The following EXOC4 variants were observed in gnomAD, a reference collection of about 807,000 sequenced individuals.
EXOC4 encodes the protein SEC8-like 1.
A neutral mutation model predicts 107.2 loss-of-function variants in EXOC4; 71 were observed. The observed-to-expected ratio is 0.66, with a 90% confidence interval of 0.55 to 0.81. The LOEUF (loss-of-function observed/expected upper bound fraction) is 0.81. Ranked by LOEUF, EXOC4 falls within the 30% of genes least tolerant of loss-of-function variation. The probability of loss-of-function intolerance (pLI) is 0.00; values close to 1 mark genes in which losing one functional copy is unlikely to be tolerated. For missense variants in EXOC4, 1,108 were observed against 1,189.6 expected, an observed-to-expected ratio of 0.93 and a Z score of 1.01; for synonymous variants, 456 against 441.2, an observed-to-expected ratio of 1.03 and a Z score of -0.42.
At chr7:133,815,549 C>A (rs113604234) in intron 10 of EXOC4, among the ~76,000 whole-genome samples, 1 of 152,036 alleles carries the variant, frequency 6.6e-6, no homozygotes, top group African/African-American at 2.4e-5. Flanking sequence ...CAGTGCTTGC[C>A]GCTGTCTTAT....
At chr7:134,066,266 A>C (rs1796175878), downstream of EXOC4, 1 of 152,104 alleles carries the variant, frequency 6.6e-6, no homozygotes, top group African/African-American at 2.4e-5. Flanking sequence ...CCAGGCGGAG[A>C]ACCCGGAGTG....
Position 133,701,955 on chromosome 7 carries a change from A to ATTTTTCTTTTTC in EXOC4, c.1514+71827_1514+71838dup, listed in dbSNP as rs71162020. On this transcript the variant is annotated intron_variant, in intron 10 of 17. Coordinates refer to ENST00000253861, the MANE Select transcript of EXOC4 (RefSeq NM_021807.4). ...TCTGTGGTTGTTTGGAATCACTGTC[A>ATTTTTCTTTTTC]TTTTTCTTTTTCTTTTTCTTTTTCC... 3.3e-3 allele frequency among the ~76,000 whole-genome samples: 450 copies of ATTTTTCTTTTTC among 135,276 alleles called. 4 individuals carry two copies. The highest frequency in any genetic ancestry group is 9.9e-3 in the African/African-American group (355 of 35,980). The allele number at this position is 135,276 out of a possible 152,430, so 88.7% of individuals were successfully genotyped here. A position where few individuals can be genotyped will look rare whatever the true frequency, so the allele number is the denominator to read the frequency against.
intron 9 of EXOC4, among the ~76,000 whole-genome samples, chr7:133,626,970 C>CA (rs1351320020): frequency 6.6e-6 from 1 of 152,176 alleles, no homozygotes; most frequent in African/African-American, 2.4e-5. Context: ...GGCTTTCACA[C>CA]ATACTGTCTC....
chr7:133,348,985 T>C (rs779945265), intron 5 of EXOC4, among the ~76,000 whole-genome samples: 3 of 152,168 alleles, frequency 2.0e-5, no homozygotes, highest in East Asian at 1.9e-4. Flanking sequence ...ATTATACCTC[T>C]TTCTACTCAT....
At chr7:134,089,331 A>G in the EXOC4 span, among the ~76,000 whole-genome samples, 1 of 152,182 alleles carries the variant, frequency 6.6e-6, no homozygotes, top group Non-Finnish European at 1.5e-5. Context: ...CCAAAAACAC[A>G]TTTCACTTTC....
At chr7:133,403,603 C>G (rs1358109950) in intron 7 of EXOC4, among the ~76,000 whole-genome samples, 1 of 152,332 alleles carries the variant, frequency 6.6e-6, no homozygotes, top group East Asian at 1.9e-4. Context: ...TCAGTAACTT[C>G]TGAATATTAC....
At chr7:134,082,086 A>G in the EXOC4 span, among the ~76,000 whole-genome samples, 2 of 152,246 alleles carry the variant, frequency 1.3e-5, no homozygotes, top group Non-Finnish European at 2.9e-5. Flanking sequence ...AGGGGAGTCC[A>G]TAAAGTAAAG....
chr7:133,928,834 C>T (rs1266221983), intron 13 of EXOC4, among the ~76,000 whole-genome samples: 1 of 149,080 alleles, frequency 6.7e-6, no homozygotes, highest in East Asian at 2.0e-4. Context: ...AAGACAGTGT[C>T]TAAAATTAAC....
chr7:133,302,426 C>T (rs1450501016), intron 3 of EXOC4, among the ~76,000 whole-genome samples: 1 of 152,094 alleles, frequency 6.6e-6, no homozygotes, highest in Non-Finnish European at 1.5e-5. Context: ...CTCCAAAATG[C>T]ATTTAAAAAT....
At chr7:133,676,101 G>A (rs924951199) in intron 10 of EXOC4, among the ~76,000 whole-genome samples, 4 of 151,910 alleles carry the variant, frequency 2.6e-5, no homozygotes, top group African/African-American at 9.7e-5. Flanking sequence ...AATTCGTGGC[G>A]TGAGAATTGC....
Position 133,757,538 on chromosome 7 carries a change from G to T in EXOC4, c.1515-59787G>T, listed in dbSNP as rs967644829. Among the ~76,000 whole-genome samples the T allele has an allele frequency of 2.0e-5, 3 of 152,246 alleles. 1 individual carries two copies. The highest frequency in any genetic ancestry group is 7.2e-5 in the African/African-American group (3 of 41,462). ...GATTCTTCTGAGAGAGGCCTATGCC[G>T]TGGAATCCCAAGTTGGATTAAATTA... On this transcript the variant is annotated intron_variant, in intron 10 of 17. Coordinates refer to ENST00000253861, the MANE Select transcript of EXOC4 (RefSeq NM_021807.4).
chr7:134,075,637 G>C, the EXOC4 span, among the ~76,000 whole-genome samples: 1 of 152,158 alleles, frequency 6.6e-6, no homozygotes, highest in East Asian at 1.9e-4. Flanking sequence ...CCCACCACAC[G>C]TGGGGATTAT....
chr7:133,383,513 A>G (rs963852566), intron 7 of EXOC4, among the ~76,000 whole-genome samples: 1 of 152,204 alleles, frequency 6.6e-6, no homozygotes, highest in Non-Finnish European at 1.5e-5. Flanking sequence ...GTTAACTGCC[A>G]TATAAATGTT....
intron 5 of EXOC4, 121 bp downstream of exon 5, chr7:133,317,511 G>T: frequency 1.5e-6 from 1 of 663,002 alleles, no homozygotes; most frequent in East Asian, 2.6e-5. Flanking sequence ...CCTGAGCTAG[G>T]TGTGTTGGAA....
rs564542686 is a variant in EXOC4 at position 134,056,641 on chromosome 7, G to C, written c.2688-7650G>C. Among the ~76,000 whole-genome samples the C allele has an allele frequency of 4.5e-4, 68 of 152,326 alleles. 1 individual carries two copies. The highest frequency in any genetic ancestry group is 3.4e-3 in the Middle Eastern group (1 of 294). ...TTAATTGTACTGAATTTAAAATGCA[G>C]ATCTTCCTCCAGCCCTTTTGTAGAA... is the stretch of plus-strand genomic sequence containing the variant. On this transcript the variant is annotated intron_variant, in intron 17 of 17. Transcript: ENST00000253861.
At chr7:134,017,558 C>G (rs1794938682) in intron 17 of EXOC4, among the ~76,000 whole-genome samples, 2 of 152,132 alleles carry the variant, frequency 1.3e-5, no homozygotes, top group African/African-American at 4.8e-5. Flanking sequence ...ACCTTGCTGT[C>G]CCGTTTCTGA....
intron 5 of EXOC4, among the ~76,000 whole-genome samples, chr7:133,331,518 G>A (rs537612599): frequency 7.5e-6 from 1 of 133,366 alleles, no homozygotes; most frequent in East Asian, 2.2e-4. Flanking sequence ...AGGCTGGAGT[G>A]CAGTGGCGCA....
At chr7:133,554,713 T>G (rs1481209715) in intron 9 of EXOC4, among the ~76,000 whole-genome samples, 3 of 152,176 alleles carry the variant, frequency 2.0e-5, no homozygotes, top group Non-Finnish European at 4.4e-5. Context: ...ACCTGACCTT[T>G]CCTATCCCAG....
chr7:133,532,079 A>G (rs572731560), intron 9 of EXOC4, among the ~76,000 whole-genome samples: 2 of 152,152 alleles, frequency 1.3e-5, no homozygotes, highest in South Asian at 4.1e-4. Context: ...CTTGTGTAGA[A>G]TTCTCTACTT....
Sources: allele counts gnomAD v4.1 joint callset (sites outside exome capture counted in the v4.1 genomes callset), GRCh38; gene constraint gnomAD v4.1.1; transcripts MANE v1.5; gene names NCBI Gene and HGNC (gene_info 2026-07-23, HGNC 2026-07-21).